STAU2: variants seen among roughly 807,000 people sequenced by gnomAD.
The protein encoded by STAU2 is double-stranded RNA-binding protein Staufen homolog 2.
A neutral mutation model predicts 65.9 loss-of-function variants in STAU2; 20 were observed. The ratio of observed to expected loss-of-function variants is 0.30; its 90% CI spans 0.21 to 0.44. The LOEUF (loss-of-function observed/expected upper bound fraction) is 0.44. Ranked by LOEUF, STAU2 falls within the 20% of genes least tolerant of loss-of-function variation. The pLI is 1.00. For missense variants in STAU2, 558 were observed against 683.9 expected, an observed-to-expected ratio of 0.82 and a Z score of 2.05; for synonymous variants, 232 against 233.9, an observed-to-expected ratio of 0.99 and a Z score of 0.07.
intron 11 of STAU2, chr8:73,590,504 A>G (rs564854129): frequency 2.0e-4 from 30 of 152,328 alleles, no homozygotes; most frequent in African/African-American, 6.5e-4. Context: ...AATGAAGGTG[A>G]TTCATTGGAG....
chr8:73,609,420 G>A (rs1326512958), intron 9 of STAU2, among the ~76,000 whole-genome samples: 2 of 151,936 alleles, frequency 1.3e-5, no homozygotes, highest in Non-Finnish European at 2.9e-5. Context: ...TTGGGAGGCC[G>A]AGGCAGGTGG....
chr8:73,587,351 G>C (rs1810451482), intron 11 of STAU2, among the ~76,000 whole-genome samples: 3 of 152,168 alleles, frequency 2.0e-5, no homozygotes, highest in Admixed American at 1.3e-4. Flanking sequence ...ATTAAAACAA[G>C]AAAGTAAACC....
intron 11 of STAU2, chr8:73,590,563 G>C (rs2128967478): frequency 6.6e-6 from 1 of 152,296 alleles, no homozygotes; most frequent in South Asian, 2.1e-4. Flanking sequence ...AGCAGTCACT[G>C]AAGAGCAGCA....
At chr8:73,623,882 T>C (rs976776079) in intron 6 of STAU2, among the ~76,000 whole-genome samples, 8 of 152,184 alleles carry the variant, frequency 5.3e-5, no homozygotes, top group African/African-American at 1.9e-4. Context: ...GAGATCTAAC[T>C]GTTAATTCTT....
chr8:73,683,309 C>G (rs573893195), intron 5 of STAU2, among the ~76,000 whole-genome samples: 2 of 152,120 alleles, frequency 1.3e-5, no homozygotes, highest in African/African-American at 4.8e-5. Flanking sequence ...GATAGTTTAA[C>G]GTCCACAAGT....
intron 6 of STAU2, among the ~76,000 whole-genome samples, chr8:73,668,397 C>A (rs1382031370): frequency 6.6e-6 from 1 of 151,602 alleles, no homozygotes; most frequent in Non-Finnish European, 1.5e-5. Flanking sequence ...TGAGTTTTGG[C>A]CCCATGGAAA....
intron 13 of STAU2, among the ~76,000 whole-genome samples, chr8:73,542,205 G>A (rs1806589795): frequency 6.6e-6 from 1 of 152,064 alleles, no homozygotes; most frequent in African/African-American, 2.4e-5. Context: ...GTATTAAGAG[G>A]AGAGATTCCT....
chr8:73,733,535 T>C (rs1306423716), intron 3 of STAU2, among the ~76,000 whole-genome samples: 1 of 152,188 alleles, frequency 6.6e-6, no homozygotes, highest in Non-Finnish European at 1.5e-5. Context: ...CAGAAACCAG[T>C]ATACTCCCGT....
intron 2 of STAU2, 29 bp from the exon 3 acceptor site, chr8:73,738,378 T>G: frequency 1.9e-6 from 3 of 1,540,410 alleles, no homozygotes; most frequent in Non-Finnish European, 2.6e-6. Flanking sequence ...GAAATAAAGT[T>G]CAACTTAGCT....
chr8:73,428,630 C>T (rs1211937158), intron 13 of STAU2, among the ~76,000 whole-genome samples: 1 of 152,108 alleles, frequency 6.6e-6, no homozygotes, highest in East Asian at 1.9e-4. Flanking sequence ...AAGGGCAAAA[C>T]AACAACTAAA....
At chr8:73,735,209 G>T (rs1379819609) in intron 3 of STAU2, among the ~76,000 whole-genome samples, 1 of 152,210 alleles carries the variant, frequency 6.6e-6, no homozygotes, top group Non-Finnish European at 1.5e-5. Flanking sequence ...GGGATTACAG[G>T]CATGGGCCAC....
intron 13 of STAU2, among the ~76,000 whole-genome samples, chr8:73,430,459 C>T (rs1164507324): frequency 1.3e-5 from 2 of 152,130 alleles, no homozygotes; most frequent in African/African-American, 4.8e-5. Context: ...ACTTCATCAC[C>T]CCCTATTTTC....
chr8:73,572,359 A>C (rs1387489072), intron 12 of STAU2, among the ~76,000 whole-genome samples: 7 of 152,228 alleles, frequency 4.6e-5, no homozygotes, highest in African/African-American at 1.7e-4. Context: ...AAACTATTCC[A>C]ATCAATGGAA....
chr8:73,668,070 A>C (rs892560604), intron 6 of STAU2, among the ~76,000 whole-genome samples: 1 of 152,126 alleles, frequency 6.6e-6, no homozygotes, highest in African/African-American at 2.4e-5. Context: ...CCTACCCCCA[A>C]CCAAGTTTGA....
intron 5 of STAU2, among the ~76,000 whole-genome samples, chr8:73,680,724 G>C (rs191608991): frequency 3.0e-3 from 451 of 151,798 alleles, no homozygotes; most frequent in Non-Finnish European, 3.7e-3. Flanking sequence ...AATAATACAA[G>C]ACATGGATGA....
intron 1 of STAU2, among the ~76,000 whole-genome samples, chr8:73,743,328 G>A (rs1348697215): frequency 1.3e-5 from 2 of 151,930 alleles, no homozygotes; most frequent in African/African-American, 4.8e-5. Context: ...ATCTTGGGAT[G>A]TAGGCATTAT....
At position 73,658,271 on chromosome 8, in the gene STAU2, G is replaced by A. The variant is rs1383045147; in HGVS notation, c.410+14836C>T. ...TAGTCCCAGCTACTTGGGAGGGTGA[G>A]GCATGAGAATCTCTTGAACCCAGGT... is the stretch of plus-strand genomic sequence containing the variant. On this transcript the variant is annotated intron_variant, in intron 6 of 14. Transcript: ENST00000524300. 5.9e-5 allele frequency among the ~76,000 whole-genome samples: 9 copies of A among 152,138 alleles called. No individual in the cohort carries two copies. The South Asian group carries it at 1.7e-3, about 28-fold the overall frequency.
chr8:73,550,083 A>G (rs1227954669), intron 13 of STAU2: 1 of 985,288 alleles, frequency 1.0e-6, no homozygotes, highest in African/African-American at 1.7e-5. Flanking sequence ...GCTTAGCTGC[A>G]GGTAGTGGTC....
At chr8:73,688,511 T>G in intron 5 of STAU2, 143 bp downstream of exon 5, 1 of 721,526 alleles carries the variant, frequency 1.4e-6, no homozygotes, top group Non-Finnish European at 2.3e-6. Flanking sequence ...TGTGTGTGTG[T>G]GTGTGTGTGT....
Sources: allele counts gnomAD v4.1 joint callset (sites outside exome capture counted in the v4.1 genomes callset), GRCh38; gene constraint gnomAD v4.1.1; transcripts MANE v1.5; gene names NCBI Gene and HGNC (gene_info 2026-07-23, HGNC 2026-07-21).